Variants in PLXDC2 observed in about 807,000 individuals in gnomAD.
PLXDC2 encodes plexin domain-containing protein 2.
In PLXDC2, 40 loss-of-function variants were observed where a neutral mutation model predicts 68.9. The observed-to-expected ratio is 0.58, with a 90% CI of 0.45 to 0.76. The LOEUF is 0.76. Ranked by LOEUF, PLXDC2 falls within the 30% of genes least tolerant of loss-of-function variation. The probability of loss-of-function intolerance (pLI) is 0.00; values close to 1 mark genes in which losing one functional copy is unlikely to be tolerated. For missense variants in PLXDC2, 644 were observed against 661.9 expected (o/e 0.97, Z 0.30); for synonymous variants, 243 against 234.2 (o/e 1.04, Z -0.34).
At chr10:20,253,521 A>G (rs1835706012) in intron 13 of PLXDC2, among the ~76,000 whole-genome samples, 1 of 152,134 alleles carries the variant, frequency 6.6e-6, no homozygotes, top group Admixed American at 6.6e-5. Context: ...CATTGTTCAT[A>G]CCACGCTTTT....
chr10:20,057,073 C>G (rs1836011168), intron 3 of PLXDC2, among the ~76,000 whole-genome samples: 1 of 152,162 alleles, frequency 6.6e-6, no homozygotes, highest in South Asian at 2.1e-4. Context: ...TTCTTATCAT[C>G]TTTTCTGCCA....
chr10:19,873,035 A>G (rs1041416370), intron 1 of PLXDC2, among the ~76,000 whole-genome samples: 2 of 152,134 alleles, frequency 1.3e-5, no homozygotes, highest in Non-Finnish European at 2.9e-5. Context: ...TTGACAGGAA[A>G]TCTCCTAATA....
intron 2 of PLXDC2, among the ~76,000 whole-genome samples, chr10:20,037,095 G>A (rs1835590294): frequency 6.6e-6 from 1 of 152,140 alleles, no homozygotes. Context: ...GAGAGATCTA[G>A]TTCAACTCCT....
intron 12 of PLXDC2, among the ~76,000 whole-genome samples, chr10:20,227,341 G>A (rs1278481342): frequency 6.6e-6 from 1 of 152,066 alleles, no homozygotes; most frequent in Non-Finnish European, 1.5e-5. Context: ...GAACAGAGAA[G>A]GGGTATCTAA....
intron 13 of PLXDC2, among the ~76,000 whole-genome samples, chr10:20,279,493 CA>C (rs1182665721): frequency 2.0e-5 from 3 of 152,140 alleles, no homozygotes; most frequent in Non-Finnish European, 2.9e-5. Context: ...TTTCCTGTGA[CA>C]GGGGTAGATA....
chr10:20,132,541 C>T (rs1174007038), intron 4 of PLXDC2, among the ~76,000 whole-genome samples: 1 of 152,052 alleles, frequency 6.6e-6, no homozygotes, highest in Non-Finnish European at 1.5e-5. Context: ...ATATTGAGGG[C>T]ATAACTATTT....
In PLXDC2 at chr10:19,867,782, A is replaced by G. The variant is rs75070601; in HGVS notation, c.112+50591A>G. On this transcript the variant is annotated intron_variant, in intron 1 of 13. Transcript: ENST00000377252. ...CTCGGGGTATTCTCAATGTGCGAAG[A>G]AAGATCTGGTGGAGGTAAAGTTTCA... Among the ~76,000 whole-genome samples the G allele has an allele frequency of 8.0e-3, 1,223 of 152,292 alleles. 20 individuals carry two copies. Among genetic ancestry groups the G allele is most frequent in the African/African-American group, 0.028 (1,164 of 41,564 alleles).
intron 1 of PLXDC2, among the ~76,000 whole-genome samples, chr10:19,973,296 G>GTATA (rs751843912): frequency 0.026 from 2,016 of 76,740 alleles, 45 homozygotes; most frequent in African/African-American, 0.096. Flanking sequence ...ACATATATAT[G>GTATA]TATATATATA....
intron 2 of PLXDC2, among the ~76,000 whole-genome samples, chr10:20,020,078 C>T (rs955079821): frequency 6.7e-6 from 1 of 150,336 alleles, no homozygotes; most frequent in African/African-American, 2.5e-5. Context: ...TCAGTACAGT[C>T]AGAGCTCACT....
chr10:19,913,880 T>TA (rs1833318576), intron 1 of PLXDC2, among the ~76,000 whole-genome samples: 1 of 152,174 alleles, frequency 6.6e-6, no homozygotes, highest in South Asian at 2.1e-4. Context: ...TACAGCTTTT[T>TA]ATTTTAGTTC....
At position 20,001,799 on chromosome 10, in the gene PLXDC2, C is replaced by G. The variant is rs1347983050; in HGVS notation, c.137C>G (p.Ala46Gly). Residue 46 changes from alanine to glycine, a missense_variant, in exon 2 of 14, where the codon GCC becomes GGC. Coordinates refer to ENST00000377252, the MANE Select transcript of PLXDC2 (RefSeq NM_032812.9). ...GATTGGCAGTATGGAGTTACTCAGG[C>G]CTTCCCTCACACAGAGGAGGAGGTG... is the stretch of plus-strand genomic sequence containing the variant. ...ILDWQYGVTQ[A>G]FPHTEEEVEV... 6.2e-7 allele frequency: 1 copy of G among 1,613,856 alleles called. No homozygotes were observed. The highest frequency in any genetic ancestry group is 1.7e-5 in the Admixed American group (1 of 59,978).
At chr10:20,271,435 C>T (rs1017836371) in intron 13 of PLXDC2, among the ~76,000 whole-genome samples, 7 of 152,124 alleles carry the variant, frequency 4.6e-5, no homozygotes, top group South Asian at 4.1e-4. Context: ...ATCAAGTAAA[C>T]GCTTTTTCCT....
At chr10:19,832,512 A>G (rs1419644323) in intron 1 of PLXDC2, among the ~76,000 whole-genome samples, 4 of 152,246 alleles carry the variant, frequency 2.6e-5, no homozygotes, top group East Asian at 1.9e-4. Flanking sequence ...TGCTTAAAAC[A>G]TATGACATTT....
chr10:19,940,490 G>A (rs1589547427), intron 1 of PLXDC2, among the ~76,000 whole-genome samples: 1 of 148,828 alleles, frequency 6.7e-6, no homozygotes, highest in East Asian at 2.0e-4. Flanking sequence ...TTCATTGTAT[G>A]TTTTACTTGG....
At chr10:20,007,036 G>A (rs1246377678) in intron 2 of PLXDC2, among the ~76,000 whole-genome samples, 3 of 152,230 alleles carry the variant, frequency 2.0e-5, no homozygotes, top group African/African-American at 7.2e-5. Context: ...AATAGTCACT[G>A]CATGTGCTAC....
chr10:19,961,794 C>G (rs969790853), intron 1 of PLXDC2, among the ~76,000 whole-genome samples: 6 of 152,184 alleles, frequency 3.9e-5, no homozygotes, highest in African/African-American at 1.4e-4. Context: ...GCCTCAACTT[C>G]TGAATTGAAG....
chr10:20,100,832 A>G (rs994097424), intron 4 of PLXDC2, among the ~76,000 whole-genome samples: 1 of 152,110 alleles, frequency 6.6e-6, no homozygotes, highest in Admixed American at 6.5e-5. Flanking sequence ...CTCAATTGAG[A>G]TGAAAATTGC....
At chr10:20,098,932 G>T (rs939309557) in intron 4 of PLXDC2, among the ~76,000 whole-genome samples, 3 of 152,102 alleles carry the variant, frequency 2.0e-5, no homozygotes, top group Non-Finnish European at 4.4e-5. Flanking sequence ...TGTTACCAAG[G>T]CAAGTATTTT....
At chr10:20,150,642 G>T (rs186051018) in intron 6 of PLXDC2, among the ~76,000 whole-genome samples, 104 of 152,280 alleles carry the variant, frequency 6.8e-4, no homozygotes, top group African/African-American at 2.4e-3. Context: ...ACCAACACTG[G>T]TCAAGTCTCT....
Sources: gnomAD v4.1 joint callset for allele counts (sites outside exome capture counted in the v4.1 genomes callset) on GRCh38, gnomAD v4.1.1 for gene constraint, MANE v1.5 for transcripts, NCBI Gene and HGNC (gene_info 2026-07-23, HGNC 2026-07-21) for gene names.